Variants in AGRN observed in about 807,000 individuals in gnomAD.
The protein encoded by AGRN is agrin proteoglycan.
AGRN carries 106 observed loss-of-function variants against 211.0 expected under a neutral mutation model. That is an observed-to-expected ratio of 0.50 (90% confidence interval 0.43 to 0.59). The LOEUF (loss-of-function observed/expected upper bound fraction) is 0.59. Among genes scored for constraint, AGRN ranks in the 20% least tolerant of loss-of-function variants. The probability of loss-of-function intolerance (pLI) is 0.00; values close to 1 mark genes in which losing one functional copy is unlikely to be tolerated. For synonymous variants in AGRN, 1,525 were observed against 1,332.5 expected (o/e 1.14, Z -3.15); for missense variants, 3,040 against 2,982.6 (o/e 1.02, Z -0.45).
At chr1:1,034,994 C>T (rs1005646028) in intron 2 of AGRN, 2 of 562,584 alleles carry the variant, frequency 3.6e-6, no homozygotes, top group South Asian at 2.2e-5. Context: ...GTGGACTCTT[C>T]CAGGGAAGGG....
chr1:1,020,183 G>C lies in AGRN; in HGVS notation c.11G>C (p.Arg4Pro), dbSNP rs539283387. 2.2e-3 allele frequency: 2,982 copies of C among 1,333,304 alleles called. 44 individuals carry two copies. The African/African-American group carries it at 0.042, about 19-fold the overall frequency. The allele number at this position is 1,333,304 out of a possible 1,614,324, so 82.6% of individuals were successfully genotyped here. Residue 4 changes from arginine to proline, a missense_variant, in exon 1 of 36, where the codon CGG becomes CCG. Around this residue, in one of 3 missense-constraint regions of AGRN, gnomAD observed 1,498 missense variants for 1,457.8 expected, o/e 1.03. Coordinates refer to ENST00000379370, the MANE Select transcript of AGRN (RefSeq NM_198576.4). ...CCTCTCGCCTGCGCCATGGCCGGCC[G>C]GTCCCACCCGGGCCCGCTGCGGCCG... MAGRSHPGPLRPLL... is the reference protein window; with the variant it reads MAGPSHPGPLRPLL...
At chr1:1,028,336 C>G (rs1048442452) in intron 2 of AGRN, among the ~76,000 whole-genome samples, 28 of 124,724 alleles carry the variant, frequency 2.2e-4, no homozygotes, top group South Asian at 1.1e-3. Context: ...CCCCCCCCCC[C>G]GCCCTGCACC....
rs1312293092 is a variant in AGRN, at chr1:1,040,673, G to C, written c.520G>C (p.Gly174Arg). Reference sequence around the variant, plus strand: ...TCCCCTACCCGCCCCAGCGTGCCGGGGAATGCTGTGCGGCTTCGGCGCCGT... The same window carrying C: ...TCCCCTACCCGCCCCAGCGTGCCGGCGAATGCTGTGCGGCTTCGGCGCCGT... ...VPPTPPDACR[G>R]MLCGFGAVCE... Residue 174 changes from glycine to arginine, a missense_variant, in exon 4 of 36, where the codon GGA becomes CGA. Physicochemically the swap from Gly to Arg is moderately radical, Grantham distance 125. Coordinates refer to ENST00000379370, the MANE Select transcript of AGRN (RefSeq NM_198576.4). 6.5e-7 allele frequency: 1 copy of C among 1,547,684 alleles called. No individual in the cohort carries two copies. Among genetic ancestry groups the C allele is most frequent in the East Asian group, 2.5e-5 (1 of 40,804 alleles).
At position 1,051,497 on chromosome 1, in the gene AGRN, G is replaced by A; in HGVS notation, c.5415G>A (p.Leu1805=). ...GRQLLTPEHV[L]RQVDVTSFAG... ...AGCTGCTGACCCCGGAGCACGTGCTGCGGCAGGTGGACGTCACGTCCTTTG... is the reference window on the plus strand; with the variant it reads ...AGCTGCTGACCCCGGAGCACGTGCTACGGCAGGTGGACGTCACGTCCTTTG... Residue 1805 remains leucine (L), a synonymous_variant, in exon 32 of 36, where the codon CTG becomes CTA. Coordinates refer to ENST00000379370, the MANE Select transcript of AGRN (RefSeq NM_198576.4). 1 of 1,567,910 alleles carries A rather than the reference G, an allele frequency of 6.4e-7. No homozygotes were observed.
rs907447479 is a variant in AGRN at position 1,050,895 on chromosome 1, G to A, written c.5253+58G>A. On this transcript the variant is annotated intron_variant, in intron 30 of 35. Transcript: ENST00000379370. ...TGCTGCCTGCTCTTCCTCCTCGGGC[G>A]GCAGCCCCGCCCCTGCCGGCGCTCA... The A allele has an allele frequency of 7.2e-6, 11 of 1,519,590 alleles. 1 individual carries two copies. Among genetic ancestry groups the A allele is most frequent in the African/African-American group, 4.1e-5 (3 of 72,582 alleles). The allele number at this position is 1,519,590 out of a possible 1,614,324, so 94.1% of individuals were successfully genotyped here.
chr1:1,035,182 G>GT, intron 2 of AGRN, 95 bp from the exon 3 acceptor site: 2 of 937,880 alleles, frequency 2.1e-6, no homozygotes. Flanking sequence ...GGGGGGGGGG[G>GT]TGGGCAGGGG....
At position 1,031,342 on chromosome 1, in the gene AGRN, G is replaced by C. The variant is rs1366057935; in HGVS notation, c.464-3935G>C. The stretch of plus-strand genomic sequence containing the variant: ...TGAGTGTGAGATCAGGGACCAGGGG[G>C]CTAGTACTCTTTCCTGCACATGAGC... On this transcript the variant is annotated intron_variant, in intron 2 of 35. Coordinates refer to ENST00000379370, the MANE Select transcript of AGRN (RefSeq NM_198576.4). The surrounding 1 kb of genome is among the most constrained non-coding windows in gnomAD (Gnocchi z 4.8). 6.6e-6 allele frequency among the ~76,000 whole-genome samples: 1 copy of C among 152,132 alleles called. No individual in the cohort carries two copies. Among genetic ancestry groups the C allele is most frequent in the Non-Finnish European group, 1.5e-5 (1 of 68,016 alleles).
chr1:1,054,365 A>G lies in AGRN; in HGVS notation c.5877-83A>G, dbSNP rs1570261541. 4 of 1,259,012 alleles carry G rather than the reference A, an allele frequency of 3.2e-6. No homozygotes were observed. In the East Asian group the frequency reaches 1.0e-4, roughly 32 times the overall value. 78.0% of individuals were successfully genotyped at this position (1,259,012 alleles called of 1,614,324 possible). ...CTCCAGGCTGAGGCACCTGCAGGGC[A>G]TAGGAAGGATGCAGGGCTTATGGTC... On this transcript the variant is annotated intron_variant, in intron 34 of 35. Coordinates refer to ENST00000379370, the MANE Select transcript of AGRN (RefSeq NM_198576.4).
At chr1:1,037,390 G>A (rs1644826825) in intron 3 of AGRN, among the ~76,000 whole-genome samples, 1 of 152,068 alleles carries the variant, frequency 6.6e-6, no homozygotes, top group African/African-American at 2.4e-5. Flanking sequence ...CCACACCAAG[G>A]CCATCGTGAC....
intron 2 of AGRN, among the ~76,000 whole-genome samples, chr1:1,027,741 G>A (rs1644550691): frequency 6.6e-6 from 1 of 152,184 alleles, no homozygotes; most frequent in Non-Finnish European, 1.5e-5. Flanking sequence ...ATGGGACTCT[G>A]TCTGGGGGCA....
At chr1:1,041,149 T>C in intron 4 of AGRN, 24 bp from the exon 5 acceptor site, 1 of 1,348,270 alleles carries the variant, frequency 7.4e-7, no homozygotes, top group Non-Finnish European at 9.5e-7. Context: ...GCGGCCCGTC[T>C]GACCGGCAAA....
chr1:1,050,236 C>G lies in AGRN; in HGVS notation c.4883C>G (p.Ser1628Trp). The change falls in exon 28 of 36, where the codon TCG becomes TGG. Residue 1628 changes from serine to tryptophan, a missense_variant. Physicochemically the swap from Ser to Trp is radical, Grantham distance 177 (BLOSUM62 -3). Around this residue, in one of 3 missense-constraint regions of AGRN, gnomAD observed 1,537 missense variants for 1,505.0 expected, o/e 1.02. Coordinates refer to ENST00000379370, the MANE Select transcript of AGRN (RefSeq NM_198576.4). Reference protein sequence around the residue: ...GREGTFCQTASGQDGSGPFLA... With the variant: ...GREGTFCQTAWGQDGSGPFLA... Reference sequence around the variant, plus strand: ...GCCTTGGTGACTCTCCCTACAGCCTCGGGGCAGGACGGCTCTGGGCCCTTC... The same window carrying G: ...GCCTTGGTGACTCTCCCTACAGCCTGGGGGCAGGACGGCTCTGGGCCCTTC... The G allele has an allele frequency of 6.2e-7, 1 of 1,613,078 alleles. No individual in the cohort carries two copies. The highest frequency in any genetic ancestry group is 1.3e-5 in the African/African-American group (1 of 74,984).
In AGRN at chr1:1,053,949, A is replaced by C; in HGVS notation, c.5848A>C (p.Asn1950His). The C allele has an allele frequency of 6.2e-7, 1 of 1,603,714 alleles. No homozygotes were observed. The highest frequency in any genetic ancestry group is 1.1e-5 in the South Asian group (1 of 89,472). Residue 1950 changes from asparagine (N) to histidine (H), a missense_variant, in exon 34 of 36, where the codon AAC (asparagine) becomes CAC (histidine). Physicochemically the swap from Asn to His is moderately conservative, Grantham distance 68. Coordinates refer to ENST00000379370, the MANE Select transcript of AGRN (RefSeq NM_198576.4). ...VLRSTVPVNTNRWLRVVAHRE... is the reference protein window; with the variant it reads ...VLRSTVPVNTHRWLRVVAHRE... ...GCGTTCCACCGTGCCCGTCAACACC[A>C]ACCGCTGGTTGCGGGTCGTGGCACA...
intron 3 of AGRN, among the ~76,000 whole-genome samples, chr1:1,036,169 G>A (rs1570175257): frequency 6.6e-6 from 1 of 152,168 alleles, no homozygotes; most frequent in Non-Finnish European, 1.5e-5. Flanking sequence ...TGGGAAGGAC[G>A]ACCTGGGGAA....
At chr1:1,043,112 C>T (rs768015984) in intron 7 of AGRN, 127 bp from the exon 8 acceptor site, 54 of 1,080,076 alleles carry the variant, frequency 5.0e-5, no homozygotes, top group Non-Finnish European at 6.5e-5. Flanking sequence ...GCATCTGGCC[C>T]TTCTCCTGTG....
In AGRN at chr1:1,048,941, C is replaced by G; in HGVS notation, c.4180C>G (p.Leu1394Val). The G allele has an allele frequency of 6.4e-7, 1 of 1,566,142 alleles. No homozygotes were observed. The highest frequency in any genetic ancestry group is 8.6e-7 in the Non-Finnish European group (1 of 1,156,854). ...AFPTLRAYHT[L>V]RLALEFRALE... is the part of the protein sequence containing the mutation. ...CCCCACTCTCCGCGCCTACCACACG[C>G]TGCGCCTGGCACTGGAATTCCGGGC... Residue 1394 changes from leucine to valine, a missense_variant, in exon 24 of 36, where the codon CTG becomes GTG. This residue lies in a region of AGRN where 1,537 missense variants were observed against 1,505.0 expected (regional missense o/e 1.02). Coordinates refer to ENST00000379370, the MANE Select transcript of AGRN (RefSeq NM_198576.4). The surrounding 1 kb of genome is among the most constrained non-coding windows in gnomAD (Gnocchi z 5.9).
chr1:1,052,098 C>T (rs1173826576), intron 33 of AGRN: 21 of 1,410,834 alleles, frequency 1.5e-5, no homozygotes, highest in African/African-American at 5.7e-5. Context: ...CCGGAGCCCC[C>T]GGGGAACTTT....
chr1:1,046,319 C>T (rs1315295147), intron 17 of AGRN, 54 bp downstream of exon 17: 1 of 1,610,540 alleles, frequency 6.2e-7, no homozygotes, highest in Non-Finnish European at 8.5e-7. Flanking sequence ...TGACGCTGCC[C>T]TAAATCCAGC....
intron 2 of AGRN, 190 bp from the exon 3 acceptor site, chr1:1,035,087 C>T (rs1644769254): frequency 5.8e-6 from 4 of 686,638 alleles, no homozygotes. Flanking sequence ...CAGAGAAAAG[C>T]AGGGGCCTCT....
Sources: gnomAD v4.1 joint callset for allele counts (sites outside exome capture counted in the v4.1 genomes callset) on GRCh38, gnomAD v4.1.1 for gene constraint, gnomAD v4.1.1 regional missense constraint, Gnocchi (gnomAD v3.1) non-coding constraint, MANE v1.5 for transcripts, NCBI Gene and HGNC (gene_info 2026-07-23, HGNC 2026-07-21) for gene names.